BTBD7: variants seen among roughly 807,000 people sequenced by gnomAD.
BTBD7 encodes the protein BTB/POZ domain-containing protein 7.
Under a neutral mutation model 99.9 loss-of-function variants are expected in BTBD7, and 38 were observed. That is an observed-to-expected ratio of 0.38 (90% CI 0.29 to 0.50). The LOEUF is 0.50. Among genes scored for constraint, BTBD7 ranks in the 20% least tolerant of loss-of-function variants. The pLI is 0.93. For missense variants in BTBD7, 1,170 were observed against 1,394.6 expected (o/e 0.84, Z 2.57); for synonymous variants, 520 against 511.4 (o/e 1.02, Z -0.23).
intron 4 of BTBD7, among the ~76,000 whole-genome samples, chr14:93,262,412 T>A (rs542662050): frequency 1.1e-3 from 171 of 152,216 alleles, no homozygotes; most frequent in African/African-American, 3.4e-3. Context: ...AATTTTTTTT[T>A]AAATTTTTTG....
rs1453767113 is a variant in BTBD7, at chr14:93,265,656, G to A, written c.1163-1663C>T. On this transcript the variant is annotated intron_variant, in intron 3 of 10. Coordinates refer to ENST00000334746, the MANE Select transcript of BTBD7 (RefSeq NM_001002860.4). ...AGAATTTGGGGCCGGGTGCGGCGGC[G>A]CACGCCTGTAATCCCAGCACTTTGG... Among the ~76,000 whole-genome samples the A allele has an allele frequency of 4.6e-5, 7 of 152,168 alleles. 1 individual carries two copies. The highest frequency in any genetic ancestry group is 1.3e-4 in the Admixed American group (2 of 15,282).
intron 1 of BTBD7, among the ~76,000 whole-genome samples, chr14:93,325,884 A>G (rs2053325064): frequency 6.6e-6 from 1 of 152,204 alleles, no homozygotes. Flanking sequence ...CAATCTTAAC[A>G]TAATGCTCAC....
chr14:93,324,529 C>T (rs763929616), intron 1 of BTBD7, among the ~76,000 whole-genome samples: 1 of 152,098 alleles, frequency 6.6e-6, no homozygotes, highest in Non-Finnish European at 1.5e-5. Context: ...TGGCTCCAGG[C>T]CCAATAAAAT....
intron 6 of BTBD7, chr14:93,256,935 G>A (rs1486347328): frequency 3.6e-5 from 15 of 420,884 alleles, no homozygotes; most frequent in Non-Finnish European, 3.8e-5. Context: ...TTAAATGACA[G>A]AATTAACTCT....
chr14:93,286,169 T>C (rs1412000626), intron 3 of BTBD7, among the ~76,000 whole-genome samples: 1 of 152,222 alleles, frequency 6.6e-6, no homozygotes, highest in Non-Finnish European at 1.5e-5. Flanking sequence ...GTCCCTGCTT[T>C]TCTGTACCAC....
chr14:93,286,317 T>A (rs1303517456), intron 3 of BTBD7, among the ~76,000 whole-genome samples: 1 of 152,104 alleles, frequency 6.6e-6, no homozygotes, highest in Non-Finnish European at 1.5e-5. Flanking sequence ...GCCAGAAAAG[T>A]CAAATGACTA....
At chr14:93,257,933 C>T (rs1291429039) in intron 5 of BTBD7, among the ~76,000 whole-genome samples, 1 of 148,276 alleles carries the variant, frequency 6.7e-6, no homozygotes, top group African/African-American at 2.6e-5. Context: ...ACCCTTTGAT[C>T]TTTGACATGT....
intron 1 of BTBD7, among the ~76,000 whole-genome samples, chr14:93,312,430 A>T (rs2053148266): frequency 6.6e-6 from 1 of 152,190 alleles, no homozygotes. Context: ...TCAAAAATTC[A>T]CTTTTTTCTT....
chr14:93,316,983 T>C lies in BTBD7; in HGVS notation c.-107+15837A>G, dbSNP rs190139841. Among the ~76,000 whole-genome samples, 203 of 152,344 alleles carry C rather than the reference T, an allele frequency of 1.3e-3. 2 individuals are homozygous for C. The highest frequency in any genetic ancestry group is 1.2e-3 in the Non-Finnish European group (79 of 68,028). On this transcript the variant is annotated intron_variant, in intron 1 of 10. Transcript: ENST00000334746. ...TCCTGTGAAAAGGCTAAGAGTCCTGTAGTTAAGAAATCTGTTTAACTTTGT... is the reference window on the plus strand; with the variant it reads ...TCCTGTGAAAAGGCTAAGAGTCCTGCAGTTAAGAAATCTGTTTAACTTTGT...
intron 3 of BTBD7, 145 bp downstream of exon 3, chr14:93,293,713 T>C (rs1392353916): frequency 1.0e-6 from 1 of 988,786 alleles, no homozygotes; most frequent in Non-Finnish European, 1.5e-6. Flanking sequence ...CCTCAATCTG[T>C]CTCAGATGTC....
In BTBD7 at chr14:93,240,438, T is replaced by C. The variant is rs1206042796; in HGVS notation, c.*1835A>G. 6.5e-6 allele frequency: 1 copy of C among 152,796 alleles called. No homozygotes were observed. Among genetic ancestry groups the C allele is most frequent in the South Asian group, 2.1e-4 (1 of 4,826 alleles). 9.5% of individuals were successfully genotyped at this position (152,796 alleles called of 1,614,324 possible). ...AGAAATCAGCGTTGTTGACACCCAA[T>C]AGAAAACCTATTTACTTCAAAGTGC... On this transcript the variant is annotated 3_prime_UTR_variant, in exon 11 of 11. Coordinates refer to ENST00000334746, the MANE Select transcript of BTBD7 (RefSeq NM_001002860.4).
chr14:93,296,717 T>C (rs980334860), intron 1 of BTBD7, among the ~76,000 whole-genome samples: 2 of 152,304 alleles, frequency 1.3e-5, no homozygotes, highest in Admixed American at 6.5e-5. Flanking sequence ...TATAAGCTAC[T>C]TGTTCTATGG....
chr14:93,256,801 C>A (rs543752422), intron 6 of BTBD7: 20 of 164,110 alleles, frequency 1.2e-4, no homozygotes, highest in African/African-American at 4.7e-4. Flanking sequence ...CAGGTCCATC[C>A]ATTCTTTTTC....
chr14:93,242,657 A>G lies in BTBD7; in HGVS notation c.3015T>C (p.Ala1005=), dbSNP rs781439164. Residue 1005 remains alanine (A), a synonymous_variant, in exon 11 of 11, where the codon GCT becomes GCC. Transcript: ENST00000334746. The part of the protein sequence containing the change: ...GQTSPKKQEE[A]RREYPLSPDG... ...CAGGGGAAAGTGGATATTCTCTCCT[A>G]GCTTCTTCCTGTTTTTTAGGAGACG... is the stretch of plus-strand genomic sequence containing the variant. 5.0e-6 allele frequency: 8 copies of G among 1,614,118 alleles called. No individual in the cohort carries two copies. Among genetic ancestry groups the G allele is most frequent in the Middle Eastern group, 1.6e-4 (1 of 6,062 alleles).
At chr14:93,290,825 A>T (rs892964053) in intron 3 of BTBD7, among the ~76,000 whole-genome samples, 5 of 151,650 alleles carry the variant, frequency 3.3e-5, no homozygotes, top group Admixed American at 3.3e-4. Context: ...CTGGGACTAG[A>T]AGCGTGTACC....
At chr14:93,300,786 AT>A (rs71129626) in intron 1 of BTBD7, among the ~76,000 whole-genome samples, 19 of 101,764 alleles carry the variant, frequency 1.9e-4, no homozygotes, top group East Asian at 9.2e-4. Flanking sequence ...ATATATATAT[AT>A]TTTTTTTTTG....
chr14:93,290,996 T>G (rs1164514530), intron 3 of BTBD7, among the ~76,000 whole-genome samples: 4 of 143,336 alleles, frequency 2.8e-5, no homozygotes, highest in Non-Finnish European at 6.1e-5. Flanking sequence ...AGTTTTTTTT[T>G]TTTTTTTTTT....
chr14:93,288,391 T>A, intron 3 of BTBD7: 1 of 637,018 alleles, frequency 1.6e-6, no homozygotes. Context: ...AATGCTTCCA[T>A]TATATCTTTC....
intron 1 of BTBD7, among the ~76,000 whole-genome samples, chr14:93,299,211 A>C (rs191054058): frequency 6.6e-6 from 1 of 152,328 alleles, no homozygotes; most frequent in Admixed American, 6.5e-5. Flanking sequence ...CAGTTCTAGT[A>C]CTACAGCAAT....
Sources: allele counts gnomAD v4.1 joint callset (sites outside exome capture counted in the v4.1 genomes callset), GRCh38; gene constraint gnomAD v4.1.1; transcripts MANE v1.5; gene names NCBI Gene and HGNC (gene_info 2026-07-23, HGNC 2026-07-21).